Variants in FAM162A observed in about 807,000 individuals in gnomAD.
FAM162A encodes the protein protein FAM162A.
In FAM162A, 23 loss-of-function variants were observed where a neutral mutation model predicts 21.8. The observed-to-expected ratio is 1.05, with a 90% CI of 0.76 to 1.49. FAM162A has a LOEUF of 1.49. Among genes scored for constraint, FAM162A ranks in the 40% most tolerant of loss-of-function variants. FAM162A has a pLI of 0.00. For missense variants in FAM162A, 165 were observed against 186.4 expected (o/e 0.89, Z 0.67); for synonymous variants, 53 against 61.3 (o/e 0.86, Z 0.64).
rs1294651109 is a variant in FAM162A, at chr3:122,402,862, A to G, written c.137A>G (p.Glu46Gly). 1 of 1,606,506 alleles carries G rather than the reference A, an allele frequency of 6.2e-7. No homozygotes were observed. Among genetic ancestry groups the G allele is most frequent in the South Asian group, 1.1e-5 (1 of 88,412 alleles). ...RINGFCTKPQ[E>G]SPGAPSRTYN... ...AATGGATTTTGCACAAAACCACAGG[A>G]AAGTCCCGGAGCTCCATCCCGTAAG... Residue 46 changes from glutamate to glycine, a missense_variant, in exon 2 of 5, where the codon GAA (glutamate) becomes GGA (glycine). Coordinates refer to ENST00000477892, the MANE Select transcript of FAM162A (RefSeq NM_014367.4).
chr3:122,397,887 C>A (rs2075636552), intron 1 of FAM162A, among the ~76,000 whole-genome samples: 1 of 152,158 alleles, frequency 6.6e-6, no homozygotes, highest in South Asian at 2.1e-4. Context: ...AAAAACATTT[C>A]TTTAAAAGAA....
chr3:122,404,311 C>G lies in FAM162A; in HGVS notation c.211C>G (p.Leu71Val), dbSNP rs1252550911. 1 of 1,609,114 alleles carries G rather than the reference C, an allele frequency of 6.2e-7. No homozygotes were observed. The highest frequency in any genetic ancestry group is 1.7e-5 in the Admixed American group (1 of 59,344). The change falls in exon 3 of 5, where the codon CTC (leucine) becomes GTC (valine). Residue 71 changes from leucine (L) to valine (V), a missense_variant. Coordinates refer to ENST00000477892, the MANE Select transcript of FAM162A (RefSeq NM_014367.4). ...HKPTDWQKKI[L>V]IWSGRFKKED... Reference sequence around the variant, plus strand: ...ACCTACGGATTGGCAGAAAAAGATCCTCATATGGTCAGGTCGCTTCAAAAA... The same window carrying G: ...ACCTACGGATTGGCAGAAAAAGATCGTCATATGGTCAGGTCGCTTCAAAAA...
chr3:122,393,363 A>AT (rs1397355899), intron 1 of FAM162A, among the ~76,000 whole-genome samples: 1 of 151,932 alleles, frequency 6.6e-6, no homozygotes, highest in African/African-American at 2.4e-5. Context: ...CCAAAAAAAA[A>AT]AGCCTGAAAT....
At chr3:122,390,553 G>A (rs1323563530) in intron 1 of FAM162A, among the ~76,000 whole-genome samples, 1 of 152,198 alleles carries the variant, frequency 6.6e-6, no homozygotes, top group Non-Finnish European at 1.5e-5. Flanking sequence ...GGATATTTAT[G>A]GAAAGGAGGG....
chr3:122,407,351 G>A lies in FAM162A; in HGVS notation c.334G>A (p.Val112Met), dbSNP rs2075681272. The A allele has an allele frequency of 1.9e-6, 3 of 1,614,052 alleles. No individual in the cohort carries two copies. The highest frequency in any genetic ancestry group is 8.5e-7 in the Non-Finnish European group (1 of 1,179,972). The change falls in exon 4 of 5, where the codon GTG becomes ATG. Residue 112 changes from valine to methionine, a missense_variant. Val to Met is a conservative substitution (Grantham distance 21). Coordinates refer to ENST00000477892, the MANE Select transcript of FAM162A (RefSeq NM_014367.4). Reference sequence around the variant, plus strand: ...CAGCTATCTAATGATTGCCCTGACGGTGGTAGGATGCATCTTCATGGTTAT... The same window carrying A: ...CAGCTATCTAATGATTGCCCTGACGATGGTAGGATGCATCTTCATGGTTAT... ...KISYLMIALT[V>M]VGCIFMVIEG... is the part of the protein sequence containing the mutation.
intron 2 of FAM162A, 79 bp downstream of exon 2, chr3:122,402,961 G>C: frequency 6.8e-7 from 1 of 1,468,364 alleles, no homozygotes; most frequent in Non-Finnish European, 9.1e-7. Context: ...GAACCCAAAA[G>C]AGAAGAGGTT....
intron 1 of FAM162A, among the ~76,000 whole-genome samples, chr3:122,386,204 A>G (rs2075573827): frequency 6.6e-6 from 1 of 152,210 alleles, no homozygotes; most frequent in African/African-American, 2.4e-5. Context: ...TGGCTTTTCA[A>G]GAAAGAAGAC....
At chr3:122,407,474 C>A in intron 4 of FAM162A, 85 bp downstream of exon 4, 1 of 1,051,820 alleles carries the variant, frequency 9.5e-7, no homozygotes. Context: ...TTGTATTTAC[C>A]CTCTGAGAAG....
intron 1 of FAM162A, among the ~76,000 whole-genome samples, chr3:122,393,968 T>A (rs931951927): frequency 1.6e-4 from 24 of 152,172 alleles, no homozygotes; most frequent in African/African-American, 5.8e-4. Context: ...AGCAGTTTAA[T>A]TGGTTCATCG....
chr3:122,387,589 A>C (rs1340968646), intron 1 of FAM162A, among the ~76,000 whole-genome samples: 1 of 152,152 alleles, frequency 6.6e-6, no homozygotes, highest in Non-Finnish European at 1.5e-5. Flanking sequence ...CTGCTACCTT[A>C]TTCTTTTTGT....
intron 1 of FAM162A, among the ~76,000 whole-genome samples, chr3:122,395,313 CTA>C (rs2075622272): frequency 6.6e-6 from 1 of 152,142 alleles, no homozygotes; most frequent in Non-Finnish European, 1.5e-5. Context: ...AGAAGTAAAA[CTA>C]TATTCCCAGA....
chr3:122,404,624 C>G (rs944092748), intron 3 of FAM162A, among the ~76,000 whole-genome samples: 11 of 152,260 alleles, frequency 7.2e-5, no homozygotes, highest in African/African-American at 2.6e-4. Flanking sequence ...GATTTCATCC[C>G]CTGGCTACAG....
At chr3:122,403,591 T>C (rs1377926351) in intron 2 of FAM162A, among the ~76,000 whole-genome samples, 1 of 152,184 alleles carries the variant, frequency 6.6e-6, no homozygotes, top group Non-Finnish European at 1.5e-5. Context: ...CCCTTCAGAG[T>C]CAGCAAATCT....
chr3:122,392,910 A>T (rs1481721305), intron 1 of FAM162A, among the ~76,000 whole-genome samples: 1 of 152,222 alleles, frequency 6.6e-6, no homozygotes, highest in African/African-American at 2.4e-5. Flanking sequence ...TCAAAAAAAA[A>T]ATAAACTTAA....
chr3:122,396,349 T>A (rs543451118), intron 1 of FAM162A, among the ~76,000 whole-genome samples: 1 of 152,044 alleles, frequency 6.6e-6, no homozygotes, highest in Admixed American at 6.5e-5. Context: ...AGGACCTAAA[T>A]AGATGTTTCT....
At chr3:122,389,383 A>ATAGG (rs1317380740) in intron 1 of FAM162A, among the ~76,000 whole-genome samples, 19 of 13,734 alleles carry the variant, frequency 1.4e-3, no homozygotes, top group South Asian at 0.014. Context: ...GTATAGATGG[A>ATAGG]TAGATAGATA....
At chr3:122,391,754 A>G (rs1490212011) in intron 1 of FAM162A, among the ~76,000 whole-genome samples, 2 of 152,188 alleles carry the variant, frequency 1.3e-5, no homozygotes, top group Non-Finnish European at 2.9e-5. Flanking sequence ...CTTTGCATTT[A>G]TAATTCTTTC....
chr3:122,401,618 TG>T, intron 1 of FAM162A: 1 of 1,021,558 alleles, frequency 9.8e-7, no homozygotes, highest in Non-Finnish European at 1.3e-6. Flanking sequence ...AAGTATAGTC[TG>T]ATTAAAATAG....
rs1320275009 is a variant in FAM162A, at chr3:122,400,942, A to AT, written c.35-1814dup. ...TGTGCAGAATAATTGTGTAGAGATT[A>AT]TTTTAAATCATAAATACATCTTATA... is the stretch of plus-strand genomic sequence containing the variant. On this transcript the variant is annotated intron_variant, in intron 1 of 4. Coordinates refer to ENST00000477892, the MANE Select transcript of FAM162A (RefSeq NM_014367.4). Among the ~76,000 whole-genome samples the AT allele has an allele frequency of 5.3e-5, 8 of 152,280 alleles. No homozygotes were observed. The East Asian group carries it at 1.5e-3, about 29-fold the overall frequency.
Sources: allele counts gnomAD v4.1 joint callset (sites outside exome capture counted in the v4.1 genomes callset), GRCh38; gene constraint gnomAD v4.1.1; transcripts MANE v1.5; gene names NCBI Gene and HGNC (gene_info 2026-07-23, HGNC 2026-07-21).